The following RORB variants were observed in gnomAD, a reference collection of about 807,000 sequenced individuals.
RORB encodes nuclear receptor ROR-beta.
RORB carries 6 observed loss-of-function variants against 59.1 expected under a neutral mutation model. The observed-to-expected ratio is 0.10, with a 90% CI of 0.06 to 0.20. The LOEUF is 0.20. Among genes scored for constraint, RORB ranks in the 10% least tolerant of loss-of-function variants. The pLI, the probability that RORB is intolerant of heterozygous loss-of-function variation, is 1.00. For missense variants in RORB, 320 were observed against 560.5 expected (o/e 0.57, Z 4.33); for synonymous variants, 215 against 204.5 (o/e 1.05, Z -0.44).
chr9:74,626,250 G>A (rs1823512985), intron 1 of RORB, among the ~76,000 whole-genome samples: 1 of 152,082 alleles, frequency 6.6e-6, no homozygotes, highest in South Asian at 2.1e-4. Context: ...CAGATCACTA[G>A]ATAGTAAACT....
chr9:74,498,577 A>T (rs1825755410), intron 1 of RORB: 1 of 152,318 alleles, frequency 6.6e-6, no homozygotes, highest in South Asian at 2.1e-4. Context: ...CTGAGGAAAC[A>T]GTTCTGCGGC....
At chr9:74,603,959 A>C (rs1275216498) in intron 1 of RORB, among the ~76,000 whole-genome samples, 2 of 152,248 alleles carry the variant, frequency 1.3e-5, no homozygotes, top group Non-Finnish European at 2.9e-5. Flanking sequence ...CTAAAAGGAA[A>C]GAGGAGAGAG....
Position 74,555,209 on chromosome 9 carries a change from T to C in RORB, c.7+57226T>C, listed in dbSNP as rs879795568. On this transcript the variant is annotated intron_variant, in intron 1 of 9. Transcript: ENST00000376896. ...ATCTGGCATGCGGTTTGTTTTAGCC[T>C]GTCACAGACGCAGGGCACTGTGTTG... 1.2e-4 allele frequency among the ~76,000 whole-genome samples: 19 copies of C among 152,222 alleles called. 1 individual carries two copies. The highest frequency in any genetic ancestry group is 2.8e-4 in the Non-Finnish European group (19 of 68,046).
intron 1 of RORB, among the ~76,000 whole-genome samples, chr9:74,560,416 G>A (rs1365225826): frequency 1.3e-5 from 2 of 152,074 alleles, no homozygotes; most frequent in African/African-American, 2.4e-5. Flanking sequence ...ATTAAAGAGC[G>A]CTGTATCTCC....
Position 74,685,656 on chromosome 9 carries a change from T to C in RORB, c.*38T>C, listed in dbSNP as rs761158298. ...AACTGTCTCATAGTCATGGAATGCATCACCATTAAGACAAAAGCAATGTGT... is the reference window on the plus strand; with the variant it reads ...AACTGTCTCATAGTCATGGAATGCACCACCATTAAGACAAAAGCAATGTGT... On this transcript the variant is annotated 3_prime_UTR_variant, in exon 10 of 10. Transcript: ENST00000376896. 3 of 1,497,350 alleles carry C rather than the reference T, an allele frequency of 2.0e-6. No homozygotes were observed. The highest frequency in any genetic ancestry group is 4.6e-5 in the East Asian group (2 of 43,176). 92.8% of individuals were successfully genotyped at this position (1,497,350 alleles called of 1,614,324 possible). A position where few individuals can be genotyped will look rare whatever the true frequency, so the allele number is the denominator to read the frequency against.
intron 1 of RORB, among the ~76,000 whole-genome samples, chr9:74,499,564 A>G (rs1587327334): frequency 6.6e-6 from 1 of 152,028 alleles, no homozygotes; most frequent in Non-Finnish European, 1.5e-5. Context: ...GGAGTGGGGC[A>G]CCCGTGTGTG....
chr9:74,668,708 G>A (rs542039349), intron 8 of RORB, among the ~76,000 whole-genome samples: 1 of 152,282 alleles, frequency 6.6e-6, no homozygotes, highest in African/African-American at 2.4e-5. Flanking sequence ...TCATCATAAA[G>A]GTCTTCATCA....
intron 1 of RORB, among the ~76,000 whole-genome samples, chr9:74,548,406 A>G (rs772291507): frequency 5.9e-5 from 9 of 152,244 alleles, no homozygotes; most frequent in African/African-American, 1.7e-4. Flanking sequence ...TGAGAAAACT[A>G]TAATTTCAAA....
At chr9:74,662,312 G>GA (rs981015939) in intron 5 of RORB, among the ~76,000 whole-genome samples, 162 bp from the exon 6 acceptor site, 3 of 151,856 alleles carry the variant, frequency 2.0e-5, no homozygotes, top group South Asian at 2.1e-4. Flanking sequence ...TTAACTTAGG[G>GA]AAAAAAAATA....
At chr9:74,597,468 A>G (rs1360100181) in intron 1 of RORB, among the ~76,000 whole-genome samples, 1 of 152,250 alleles carries the variant, frequency 6.6e-6, no homozygotes, top group African/African-American at 2.4e-5. Flanking sequence ...AAATTTAAAT[A>G]TCAAAGTGAT....
intron 3 of RORB, among the ~76,000 whole-genome samples, chr9:74,639,123 T>A (rs56098731): frequency 7.0e-4 from 106 of 152,330 alleles, no homozygotes; most frequent in Non-Finnish European, 1.3e-3. Context: ...TGCAGGTCAG[T>A]TCTATAGCTC....
chr9:74,598,366 C>T (rs1224920283), intron 1 of RORB, among the ~76,000 whole-genome samples: 1 of 152,146 alleles, frequency 6.6e-6, no homozygotes, highest in African/African-American at 2.4e-5. Context: ...ATCCTAACAG[C>T]CCACTCTCGA....
intron 4 of RORB, among the ~76,000 whole-genome samples, chr9:74,654,291 G>C (rs1299400602): frequency 6.6e-6 from 1 of 151,312 alleles, no homozygotes. Context: ...GAAGAGTATT[G>C]AGGATGGGGT....
chr9:74,512,295 TACA>T (rs1825949907), intron 1 of RORB, among the ~76,000 whole-genome samples: 1 of 152,198 alleles, frequency 6.6e-6, no homozygotes, highest in Non-Finnish European at 1.5e-5. Flanking sequence ...GTTCTCAAAA[TACA>T]AGATGAATGA....
Position 74,692,618 on chromosome 9 carries a change from T to C in RORB, c.*7000T>C, listed in dbSNP as rs929806341. The C allele has an allele frequency of 3.9e-5, 6 of 152,294 alleles. No homozygotes were observed. The highest frequency in any genetic ancestry group is 1.9e-4 in the East Asian group (1 of 5,184). The allele number at this position is 152,294 out of a possible 1,614,324, so 9.4% of individuals were successfully genotyped here. On this transcript the variant is annotated 3_prime_UTR_variant, in exon 10 of 10. Transcript: ENST00000376896. ...TTAGCATGCACACCACTGTTGGCAA[T>C]GCATAAAAGTTGCATTGCCACAAGT...
intron 1 of RORB, among the ~76,000 whole-genome samples, chr9:74,543,529 A>G (rs566729332): frequency 6.6e-6 from 1 of 152,298 alleles, no homozygotes; most frequent in South Asian, 2.1e-4. Context: ...TCAGGACCAC[A>G]TCAGTCCCAG....
At chr9:74,670,304 A>G (rs542185366) in intron 8 of RORB, among the ~76,000 whole-genome samples, 4 of 152,318 alleles carry the variant, frequency 2.6e-5, no homozygotes, top group African/African-American at 9.6e-5. Flanking sequence ...TGCTTGCTCC[A>G]AGGAAGCGTT....
At chr9:74,513,330 C>T (rs578183348) in intron 1 of RORB, among the ~76,000 whole-genome samples, 1 of 152,136 alleles carries the variant, frequency 6.6e-6, no homozygotes, top group South Asian at 2.1e-4. Flanking sequence ...GGTCCATTAA[C>T]AGATAATTTT....
intron 9 of RORB, among the ~76,000 whole-genome samples, chr9:74,673,479 G>A (rs1167503889): frequency 1.3e-5 from 2 of 152,096 alleles, no homozygotes; most frequent in African/African-American, 4.8e-5. Context: ...CTCCTGTGCA[G>A]ATGTGTTGTG....
Sources: gnomAD v4.1 joint callset for allele counts (sites outside exome capture counted in the v4.1 genomes callset) on GRCh38, gnomAD v4.1.1 for gene constraint, MANE v1.5 for transcripts, NCBI Gene and HGNC (gene_info 2026-07-23, HGNC 2026-07-21) for gene names.